RPA1: variants seen among roughly 807,000 people sequenced by gnomAD.
The protein encoded by RPA1 is replication protein A 70 kDa DNA-binding subunit.
In RPA1, 49 loss-of-function variants were observed where a neutral mutation model predicts 83.0. The observed-to-expected ratio is 0.59, with a 90% CI of 0.47 to 0.75. The LOEUF is 0.75. Ranked by LOEUF, RPA1 falls within the 30% of genes least tolerant of loss-of-function variation. The pLI is 0.00. For synonymous variants in RPA1, 279 were observed against 281.8 expected (o/e 0.99, Z 0.10); for missense variants, 693 against 776.1 (o/e 0.89, Z 1.27).
At position 1,853,143 on chromosome 17, in the gene RPA1, T is replaced by G; in HGVS notation, c.315T>G (p.Ala105=). ...ILMELEVLKS[A]EAVGVKIGNP... ...TGGAATTAGAAGTTTTGAAGTCAGCTGAAGCAGTTGGAGTGAAGATTGGCA... is the reference window on the plus strand; with the variant it reads ...TGGAATTAGAAGTTTTGAAGTCAGCGGAAGCAGTTGGAGTGAAGATTGGCA... The change falls in exon 5 of 17, where the codon GCT becomes GCG. Residue 105 remains alanine (A), a synonymous_variant. Transcript: ENST00000254719. 1.2e-6 allele frequency: 2 copies of G among 1,614,192 alleles called. No homozygotes were observed. The highest frequency in any genetic ancestry group is 1.7e-6 in the Non-Finnish European group (2 of 1,180,028).
At chr17:1,848,553 G>A (rs1452787734) in intron 4 of RPA1, among the ~76,000 whole-genome samples, 1 of 151,934 alleles carries the variant, frequency 6.6e-6, no homozygotes, top group Non-Finnish European at 1.5e-5. Context: ...AGAAGTTGCA[G>A]TGAGTCAAGA....
At chr17:1,875,909 G>C in intron 7 of RPA1, 116 bp downstream of exon 7, 17 of 812,932 alleles carry the variant, frequency 2.1e-5, no homozygotes, top group Non-Finnish European at 2.6e-5. Flanking sequence ...CCACCAAATA[G>C]AATGGGTTTA....
rs372542506 is a variant in RPA1, at chr17:1,837,469, G to A, written c.34-5334G>A. Among the ~76,000 whole-genome samples, 22 of 152,238 alleles carry A rather than the reference G, an allele frequency of 1.4e-4. No homozygotes were observed. The East Asian group carries it at 1.7e-3, about 12-fold the overall frequency. On this transcript the variant is annotated intron_variant, in intron 1 of 16. Coordinates refer to ENST00000254719, the MANE Select transcript of RPA1 (RefSeq NM_002945.5). The stretch of plus-strand genomic sequence containing the variant: ...ACTCTTTTTGTGGAAATATGTTTTC[G>A]TTTCTCTGGGATAAATATCTAGGAA...
At position 1,891,175 on chromosome 17, in the gene RPA1, T is replaced by A. The variant is rs1316122149; in HGVS notation, c.1552-658T>A. The stretch of plus-strand genomic sequence containing the variant: ...CAAGTGGATTCTTTGAGATCTGCTT[T>A]CTTCCTTGACTTTGCCCTGTTTAAT... On this transcript the variant is annotated intron_variant, in intron 14 of 16. Coordinates refer to ENST00000254719, the MANE Select transcript of RPA1 (RefSeq NM_002945.5). 3.3e-5 allele frequency among the ~76,000 whole-genome samples: 5 copies of A among 152,328 alleles called. No homozygotes were observed. The South Asian group carries it at 1.0e-3, about 32-fold the overall frequency.
intron 5 of RPA1, among the ~76,000 whole-genome samples, chr17:1,856,817 A>G (rs929759585): frequency 1.3e-5 from 2 of 151,754 alleles, no homozygotes; most frequent in East Asian, 3.9e-4. Context: ...TAGCATATAT[A>G]TATATTATAT....
At chr17:1,894,009 C>CCT (rs1914296235) in intron 15 of RPA1, among the ~76,000 whole-genome samples, 1 of 150,442 alleles carries the variant, frequency 6.6e-6, no homozygotes, top group Admixed American at 6.7e-5. Context: ...TACTGGTACA[C>CCT]GCCACCATAC....
At chr17:1,843,362 G>A (rs1055221168) in intron 2 of RPA1, among the ~76,000 whole-genome samples, 6 of 151,742 alleles carry the variant, frequency 4.0e-5, no homozygotes, top group Non-Finnish European at 7.4e-5. Flanking sequence ...CACACGCGCC[G>A]TGGGTCAGCT....
Position 1,857,287 on chromosome 17 carries a change from A to G in RPA1, c.361+4098A>G, listed in dbSNP as rs549594274. Among the ~76,000 whole-genome samples, 29 of 145,344 alleles carry G rather than the reference A, an allele frequency of 2.0e-4. No individual in the cohort carries two copies. The East Asian group carries it at 5.8e-3, about 29-fold the overall frequency. On this transcript the variant is annotated intron_variant, in intron 5 of 16. Coordinates refer to ENST00000254719, the MANE Select transcript of RPA1 (RefSeq NM_002945.5). Reference sequence around the variant, plus strand: ...TTTTTCTTTTTTTTTTTTCAAAGATAAAATGAGTATTTAATTCAGTTTCAG... The same window carrying G: ...TTTTTCTTTTTTTTTTTTCAAAGATGAAATGAGTATTTAATTCAGTTTCAG...
chr17:1,890,120 A>T (rs549027770), intron 14 of RPA1, among the ~76,000 whole-genome samples: 12 of 152,362 alleles, frequency 7.9e-5, no homozygotes, highest in African/African-American at 2.9e-4. Context: ...CTGTAACCCC[A>T]GCACTTTGGA....
At chr17:1,878,237 AAAT>A (rs1159783791) in intron 8 of RPA1, among the ~76,000 whole-genome samples, 1 of 152,194 alleles carries the variant, frequency 6.6e-6, no homozygotes, top group Non-Finnish European at 1.5e-5. Flanking sequence ...TCCATCTCAA[AAAT>A]AATAATAATT....
In RPA1 at chr17:1,898,452, TTATC is replaced by T. The variant is rs772438106; in HGVS notation, c.*1282_*1285del. The T allele has an allele frequency of 2.0e-5, 3 of 152,370 alleles. No individual in the cohort carries two copies. The highest frequency in any genetic ancestry group is 4.4e-5 in the Non-Finnish European group (3 of 68,044). The allele number at this position is 152,370 out of a possible 1,614,324, so 9.4% of individuals were successfully genotyped here. A position where few individuals can be genotyped will look rare whatever the true frequency, so the allele number is the denominator to read the frequency against. ...CTCTGTGTGTTCCTAATCATATTAA[TTATC>T]TATCCGGTGGCTGCAACACACCGCC... On this transcript the variant is annotated 3_prime_UTR_variant, in exon 17 of 17. Transcript: ENST00000254719.
At chr17:1,889,328 T>TA (rs887362057) in intron 14 of RPA1, among the ~76,000 whole-genome samples, 32 of 93,148 alleles carry the variant, frequency 3.4e-4, no homozygotes, top group Admixed American at 7.5e-4. Flanking sequence ...AAGTTGGGTT[T>TA]AAAAAAATTT....
At chr17:1,858,868 T>G (rs1567811347) in intron 5 of RPA1, among the ~76,000 whole-genome samples, 1 of 150,944 alleles carries the variant, frequency 6.6e-6, no homozygotes, top group Non-Finnish European at 1.5e-5. Flanking sequence ...ATGTATTGTC[T>G]TATTTTGTTT....
rs746590808 is a variant in RPA1, at chr17:1,884,814, A to G, written c.1374+870A>G. On this transcript the variant is annotated intron_variant, in intron 13 of 16. Coordinates refer to ENST00000254719, the MANE Select transcript of RPA1 (RefSeq NM_002945.5). This position sits in a 1 kb window ranked among gnomAD's most constrained non-coding sequence, Gnocchi z 4.1. ...TTACATGAGCCCAGGAGTTCGACTGAGCAACATGGAAGACCCCTTCTCTTG... is the reference window on the plus strand; with the variant it reads ...TTACATGAGCCCAGGAGTTCGACTGGGCAACATGGAAGACCCCTTCTCTTG... Among the ~76,000 whole-genome samples the G allele has an allele frequency of 6.6e-6, 1 of 152,174 alleles. No individual in the cohort carries two copies. The highest frequency in any genetic ancestry group is 1.5e-5 in the Non-Finnish European group (1 of 68,042).
At chr17:1,840,837 C>A in intron 1 of RPA1, among the ~76,000 whole-genome samples, 1 of 152,170 alleles carries the variant, frequency 6.6e-6, no homozygotes, top group South Asian at 2.1e-4. Flanking sequence ...GAGGCTGAGG[C>A]GGGCAGATCA....
intron 4 of RPA1, among the ~76,000 whole-genome samples, chr17:1,852,533 C>G (rs1912533792): frequency 6.6e-6 from 1 of 152,080 alleles, no homozygotes; most frequent in African/African-American, 2.4e-5. Flanking sequence ...AACAGGAAGG[C>G]CAGAGGGCAG....
At chr17:1,862,205 T>C (rs1913005464) in intron 5 of RPA1, among the ~76,000 whole-genome samples, 1 of 67,360 alleles carries the variant, frequency 1.5e-5, no homozygotes, top group South Asian at 4.3e-4. Context: ...TTTTTTTTTT[T>C]TTTTTTTTTT....
intron 5 of RPA1, chr17:1,858,285 C>T (rs753299141): frequency 4.5e-5 from 73 of 1,611,118 alleles, no homozygotes; most frequent in South Asian, 6.6e-5. Context: ...GTAACACGGC[C>T]GACATGCCAA....
At chr17:1,887,014 G>A (rs1281375523) in intron 13 of RPA1, among the ~76,000 whole-genome samples, 2 of 152,236 alleles carry the variant, frequency 1.3e-5, no homozygotes, top group East Asian at 1.9e-4. Context: ...GAAAGGTGAG[G>A]CCTTGCTCTG....
Sources: allele counts gnomAD v4.1 joint callset (sites outside exome capture counted in the v4.1 genomes callset), GRCh38; gene constraint gnomAD v4.1.1; non-coding constraint Gnocchi (gnomAD v3.1); transcripts MANE v1.5; gene names NCBI Gene and HGNC (gene_info 2026-07-23, HGNC 2026-07-21).